Variants in PDS5A observed in about 807,000 individuals in gnomAD.
PDS5A encodes the protein sister chromatid cohesion protein PDS5 homolog A.
A neutral mutation model predicts 167.1 loss-of-function variants in PDS5A; 42 were observed. The ratio of observed to expected loss-of-function variants is 0.25; its 90% confidence interval spans 0.20 to 0.33. The LOEUF (loss-of-function observed/expected upper bound fraction) is 0.33. PDS5A is among the 10% of genes least tolerant of loss of function. The pLI is 1.00. For missense variants in PDS5A, 1,033 were observed against 1,605.9 expected (o/e 0.64, Z 6.10); for synonymous variants, 553 against 554.6 (o/e 1.00, Z 0.04).
intron 26 of PDS5A, among the ~76,000 whole-genome samples, chr4:39,854,738 T>C (rs1030309523): frequency 1.3e-5 from 2 of 152,214 alleles, no homozygotes; most frequent in East Asian, 1.9e-4. Context: ...ATGATATTCA[T>C]ATTACATAAC....
chr4:39,836,391 T>A (rs1014544001), intron 32 of PDS5A, among the ~76,000 whole-genome samples: 7 of 152,306 alleles, frequency 4.6e-5, no homozygotes, highest in Non-Finnish European at 1.0e-4. Context: ...ACTTAGATGA[T>A]GTAGAAATTT....
chr4:39,830,144 C>G (rs1298970576), intron 32 of PDS5A, among the ~76,000 whole-genome samples: 2 of 151,926 alleles, frequency 1.3e-5, no homozygotes, highest in Non-Finnish European at 2.9e-5. Flanking sequence ...GTGATACTTG[C>G]TTAATAATGG....
intron 5 of PDS5A, among the ~76,000 whole-genome samples, chr4:39,924,420 G>A (rs1447987530): frequency 1.3e-5 from 2 of 152,250 alleles, no homozygotes; most frequent in African/African-American, 4.8e-5. Flanking sequence ...AAATGCCACA[G>A]AAGTTTCTTC....
chr4:39,897,824 C>A (rs1163511119), intron 16 of PDS5A: 1 of 153,532 alleles, frequency 6.5e-6, no homozygotes, highest in East Asian at 1.9e-4. Context: ...ATGATTGTGC[C>A]ACTGAACTCC....
chr4:39,898,793 T>G lies in PDS5A; in HGVS notation c.1614A>C (p.Lys538Asn). ...CATACTCACTTGCTATGGTCATCAGTTTTCCAAACATGGCAGAACAGTTAG... is the reference window on the plus strand; with the variant it reads ...CATACTCACTTGCTATGGTCATCAGGTTTCCAAACATGGCAGAACAGTTAG... ...SEANCSAMFG[K>N]LMTIAKNLPD... Residue 538 changes from lysine to asparagine, a missense_variant, in exon 15 of 33, where the codon AAA (lysine) becomes AAC (asparagine). Lys to Asn is a moderately conservative substitution (Grantham distance 94, BLOSUM62 0). Coordinates refer to ENST00000303538, the MANE Select transcript of PDS5A (RefSeq NM_001100399.2). 6.3e-7 allele frequency: 1 copy of G among 1,590,066 alleles called. No individual in the cohort carries two copies. Among genetic ancestry groups the G allele is most frequent in the Non-Finnish European group, 8.6e-7 (1 of 1,165,260 alleles).
At chr4:39,859,445 A>G (rs1228290886) in intron 26 of PDS5A, among the ~76,000 whole-genome samples, 1 of 152,134 alleles carries the variant, frequency 6.6e-6, no homozygotes. Context: ...CACACCCACC[A>G]TGAAAAACAT....
At chr4:39,967,411 G>A (rs1045779245) in intron 2 of PDS5A, among the ~76,000 whole-genome samples, 1 of 152,168 alleles carries the variant, frequency 6.6e-6, no homozygotes, top group African/African-American at 2.4e-5. Context: ...ACTTTCGGAA[G>A]CCGAGGTGGG....
intron 2 of PDS5A, among the ~76,000 whole-genome samples, chr4:39,937,945 T>G (rs1193955446): frequency 6.6e-6 from 1 of 152,178 alleles, no homozygotes. Flanking sequence ...GCCTAAAGGA[T>G]TCTCCATACA....
intron 2 of PDS5A, among the ~76,000 whole-genome samples, chr4:39,954,114 G>C (rs1298683192): frequency 6.6e-6 from 1 of 152,064 alleles, no homozygotes; most frequent in African/African-American, 2.4e-5. Context: ...GCCGAGGTGG[G>C]AGGACTGCTA....
chr4:39,853,900 T>C (rs561594516), intron 26 of PDS5A, among the ~76,000 whole-genome samples: 1 of 152,368 alleles, frequency 6.6e-6, no homozygotes, highest in African/African-American at 2.4e-5. Flanking sequence ...TAAACACATT[T>C]TAAACAATTT....
intron 2 of PDS5A, among the ~76,000 whole-genome samples, chr4:39,939,728 C>T (rs1039276212): frequency 1.3e-5 from 2 of 151,562 alleles, no homozygotes; most frequent in African/African-American, 4.8e-5. Context: ...ACCCAGGAGG[C>T]GGAGGCTGCA....
chr4:39,858,689 C>G (rs911034747), intron 26 of PDS5A, among the ~76,000 whole-genome samples: 3 of 152,054 alleles, frequency 2.0e-5, no homozygotes, highest in Non-Finnish European at 2.9e-5. Context: ...AATGGTGTGA[C>G]CTCGGCTCAT....
intron 26 of PDS5A, among the ~76,000 whole-genome samples, chr4:39,861,467 TAAAG>T (rs1033323331): frequency 2.0e-5 from 3 of 151,884 alleles, no homozygotes; most frequent in South Asian, 2.1e-4. Flanking sequence ...CGGAAAAAAA[TAAAG>T]AGAGAGAGAC....
intron 21 of PDS5A, among the ~76,000 whole-genome samples, chr4:39,872,290 C>T (rs1186971442): frequency 1.3e-5 from 2 of 151,366 alleles, no homozygotes; most frequent in Non-Finnish European, 2.9e-5. Context: ...GATTCTCCTG[C>T]CTCAGCCTCC....
At chr4:39,901,262 CTTTCTTTTTTT>C (rs1431623648) in intron 13 of PDS5A, among the ~76,000 whole-genome samples, 19 of 122,682 alleles carry the variant, frequency 1.5e-4, no homozygotes, top group Non-Finnish European at 2.8e-4. Flanking sequence ...TTTTTCTTTT[CTTTCTTTTTTT>C]TTTTTTTTTT....
chr4:39,947,722 G>A (rs2109779876), intron 2 of PDS5A, among the ~76,000 whole-genome samples: 1 of 152,296 alleles, frequency 6.6e-6, no homozygotes, highest in Non-Finnish European at 1.5e-5. Flanking sequence ...CCCACGGGCT[G>A]TGAGTTGGAC....
intron 17 of PDS5A, among the ~76,000 whole-genome samples, chr4:39,885,907 A>T (rs970993267): frequency 1.3e-5 from 2 of 152,146 alleles, no homozygotes; most frequent in Non-Finnish European, 2.9e-5. Context: ...GTGAACTATG[A>T]TCATGCCACT....
chr4:39,909,051 A>AAAATAAAATAAATAAAAT (rs1212064924), intron 10 of PDS5A, among the ~76,000 whole-genome samples: 1,463 of 99,112 alleles, frequency 0.015, 10 homozygotes, highest in South Asian at 0.036. Flanking sequence ...AAAATAAAAT[A>AAAATAAAATAAATAAAAT]AAATAAAATA....
intron 26 of PDS5A, among the ~76,000 whole-genome samples, chr4:39,861,066 TAA>T (rs1292282053): frequency 2.2e-5 from 3 of 135,854 alleles, no homozygotes; most frequent in Non-Finnish European, 3.2e-5. Flanking sequence ...CTTGTCTCAT[TAA>T]AAAAAAAAAA....
Sources: allele counts gnomAD v4.1 joint callset (sites outside exome capture counted in the v4.1 genomes callset), GRCh38; gene constraint gnomAD v4.1.1; transcripts MANE v1.5; gene names NCBI Gene and HGNC (gene_info 2026-07-23, HGNC 2026-07-21).